Variants in MARCHF8 observed in about 807,000 individuals in gnomAD.
MARCHF8 encodes the protein membrane associated ring-CH-type finger 8.
In MARCHF8, 40 loss-of-function variants were observed where a neutral mutation model predicts 51.6. The ratio of observed to expected loss-of-function variants is 0.77; its 90% confidence interval spans 0.60 to 1.01. The LOEUF is 1.01. MARCHF8 is among the 50% of genes least tolerant of loss of function. The probability of loss-of-function intolerance (pLI) is 0.00; values close to 1 mark genes in which losing one functional copy is unlikely to be tolerated. For missense variants in MARCHF8, 685 were observed against 708.6 expected, an observed-to-expected ratio of 0.97 and a Z score of 0.38; for synonymous variants, 263 against 280.3, an observed-to-expected ratio of 0.94 and a Z score of 0.62.
chr10:45,472,404 G>A (rs559236334), intron 3 of MARCHF8, among the ~76,000 whole-genome samples: 1 of 152,200 alleles, frequency 6.6e-6, no homozygotes, highest in South Asian at 2.1e-4. Context: ...ACCCTCTGGG[G>A]AGACTGTGCC....
chr10:45,511,471 T>C (rs1324291079), intron 2 of MARCHF8, among the ~76,000 whole-genome samples: 3 of 152,208 alleles, frequency 2.0e-5, no homozygotes, highest in Admixed American at 6.5e-5. Context: ...GAAGCTGGAC[T>C]GTACTGCTGC....
At chr10:45,490,452 T>C (rs148618380) in intron 2 of MARCHF8, among the ~76,000 whole-genome samples, 200 of 152,234 alleles carry the variant, frequency 1.3e-3, no homozygotes, top group African/African-American at 4.1e-3. Flanking sequence ...AGGGAGAAGA[T>C]GGCCATCTAC....
intron 1 of MARCHF8, among the ~76,000 whole-genome samples, chr10:45,577,627 T>C (rs1271141305): frequency 6.6e-6 from 1 of 151,472 alleles, no homozygotes. Context: ...CACCAGAGAA[T>C]GAATGCTGGT....
rs1339679431 is a variant in MARCHF8, at chr10:45,463,447, T to C, written c.792A>G (p.Ser264=). The part of the protein sequence containing the change: ...RSRQLLQYLF[S]LSHGLSASSL... ...TGCTGGCGCTCAAGCCGTGCGAGAG[T>C]GAGAACAGGTACTGGAGCAGTTGCC... Residue 264 remains serine (S), a synonymous_variant, in exon 5 of 8, where the codon TCA becomes TCG. Coordinates refer to ENST00000453424, the MANE Select transcript of MARCHF8 (RefSeq NM_001282866.2). The C allele has an allele frequency of 1.9e-6, 3 of 1,550,326 alleles. No homozygotes were observed. Among genetic ancestry groups the C allele is most frequent in the Admixed American group, 3.9e-5 (2 of 50,982 alleles).
At chr10:45,588,238 T>G (rs1447717883) in intron 1 of MARCHF8, among the ~76,000 whole-genome samples, 1 of 151,924 alleles carries the variant, frequency 6.6e-6, no homozygotes, top group African/African-American at 2.4e-5. Flanking sequence ...TCGAAACACT[T>G]TCCTTATCCA....
chr10:45,471,022 G>T (rs2042679736), intron 3 of MARCHF8, among the ~76,000 whole-genome samples: 1 of 152,136 alleles, frequency 6.6e-6, no homozygotes, highest in Non-Finnish European at 1.5e-5. Flanking sequence ...CTTATGAAGG[G>T]CTGTGCCAAG....
chr10:45,573,562 G>A (rs1028567043), intron 1 of MARCHF8, among the ~76,000 whole-genome samples: 1 of 152,112 alleles, frequency 6.6e-6, no homozygotes, highest in East Asian at 1.9e-4. Flanking sequence ...TCCCATCTGT[G>A]CGGGACCCCA....
intron 5 of MARCHF8, 23 bp from the exon 6 acceptor site, chr10:45,461,434 C>T: frequency 6.6e-7 from 1 of 1,519,138 alleles, no homozygotes; most frequent in Non-Finnish European, 8.8e-7. Flanking sequence ...GAAAACCTGT[C>T]ATTCCAAGGA....
chr10:45,462,647 CAG>C (rs1215861466), intron 5 of MARCHF8, among the ~76,000 whole-genome samples: 37 of 146,260 alleles, frequency 2.5e-4, no homozygotes, highest in African/African-American at 7.3e-4. Flanking sequence ...TTTTTTTAGA[CAG>C]AGTTTCACTC....
rs1842848658 is a variant in MARCHF8 at position 45,463,188 on chromosome 10, G to A, written c.1051C>T (p.Pro351Ser). The change falls in exon 5 of 8, where the codon CCC becomes TCC. Residue 351 changes from proline to serine, a missense_variant. Physicochemically the swap from Pro to Ser is moderately conservative, Grantham distance 74. Transcript: ENST00000453424. ...CPSPFSEKLP[P>S]ISPVSTSGDV... ...CCTGACGTGGACACGGGAGATATGG[G>A]GGGTAATTTTTCAGAGAAGGGAGAA... 1.3e-6 allele frequency: 2 copies of A among 1,550,508 alleles called. No individual in the cohort carries two copies. Among genetic ancestry groups the A allele is most frequent in the South Asian group, 1.2e-5 (1 of 84,064 alleles).
At chr10:45,557,278 G>A (rs536040070) in intron 1 of MARCHF8, among the ~76,000 whole-genome samples, 44 of 151,684 alleles carry the variant, frequency 2.9e-4, no homozygotes, top group Non-Finnish European at 4.6e-4. Flanking sequence ...ACAGGTGTGC[G>A]CCATCACGCC....
At chr10:45,512,239 G>A (rs1236980897) in intron 2 of MARCHF8, among the ~76,000 whole-genome samples, 2 of 150,334 alleles carry the variant, frequency 1.3e-5, no homozygotes, top group East Asian at 4.0e-4. Flanking sequence ...GAGCCCCTCC[G>A]CCCGGCAGCC....
At position 45,463,500 on chromosome 10, in the gene MARCHF8, C is replaced by T. The variant is rs1320189996; in HGVS notation, c.739G>A (p.Ala247Thr). The change falls in exon 5 of 8, where the codon GCG becomes ACG. Residue 247 changes from alanine to threonine, a missense_variant. Transcript: ENST00000453424. The part of the protein sequence containing the change: ...GRPGLLLEEK[A>T]DGEATSRSRQ... ...CTTCGGGACGTGGCCTCACCATCCG[C>T]CTTCTCTTCCAGCAGCAGGCCGGGC... The T allele has an allele frequency of 2.4e-5, 37 of 1,550,532 alleles. No individual in the cohort carries two copies. Among genetic ancestry groups the T allele is most frequent in the Non-Finnish European group, 3.2e-5 (37 of 1,147,020 alleles).
intron 1 of MARCHF8, among the ~76,000 whole-genome samples, chr10:45,587,139 C>T (rs1020592155): frequency 6.6e-6 from 1 of 151,992 alleles, no homozygotes; most frequent in African/African-American, 2.4e-5. Context: ...ATAGAAAGCA[C>T]ATGAGTGGAA....
intron 1 of MARCHF8, among the ~76,000 whole-genome samples, chr10:45,580,629 A>G (rs963040164): frequency 2.0e-5 from 3 of 152,226 alleles, no homozygotes; most frequent in African/African-American, 7.2e-5. Flanking sequence ...CTGAAACTAT[A>G]TTGAATATGA....
intron 2 of MARCHF8, among the ~76,000 whole-genome samples, chr10:45,512,695 T>C (rs2043548294): frequency 6.6e-6 from 1 of 151,028 alleles, no homozygotes; most frequent in Non-Finnish European, 1.5e-5. Flanking sequence ...GGAGCCCCTC[T>C]GCCCGGCCAC....
intron 1 of MARCHF8, among the ~76,000 whole-genome samples, chr10:45,590,699 G>T (rs1023057790): frequency 1.3e-5 from 2 of 152,172 alleles, no homozygotes; most frequent in Admixed American, 1.3e-4. Flanking sequence ...ATATTTTGGG[G>T]GGATATACAT....
chr10:45,476,559 T>G (rs956355910), intron 3 of MARCHF8, among the ~76,000 whole-genome samples: 2 of 151,964 alleles, frequency 1.3e-5, no homozygotes, highest in Non-Finnish European at 1.5e-5. Context: ...CAGACCAAGA[T>G]CCGGAAGCTC....
chr10:45,502,785 G>T (rs1221783173), intron 2 of MARCHF8, among the ~76,000 whole-genome samples: 1 of 152,150 alleles, frequency 6.6e-6, no homozygotes, highest in East Asian at 1.9e-4. Flanking sequence ...CTGCTTAAAA[G>T]AAATTCATCA....
Sources: gnomAD v4.1 joint callset for allele counts (sites outside exome capture counted in the v4.1 genomes callset) on GRCh38, gnomAD v4.1.1 for gene constraint, MANE v1.5 for transcripts, NCBI Gene and HGNC (gene_info 2026-07-23, HGNC 2026-07-21) for gene names.